The following CLCN4 variants were observed in gnomAD, a reference collection of about 807,000 sequenced individuals.
The protein encoded by CLCN4 is Cl-/H+ antiporter 4, also known as H(+)/Cl(-) exchange transporter 4.
In CLCN4, 1 loss-of-function variant was observed where a neutral mutation model predicts 41.7. The observed-to-expected ratio is 0.02, with a 90% CI of 0.01 to 0.11. The LOEUF (loss-of-function observed/expected upper bound fraction) is 0.11, where lower values mean the gene tolerates loss of function less well. CLCN4 is among the 10% of genes least tolerant of loss of function. The pLI is 1.00. For missense variants in CLCN4, 287 were observed against 661.0 expected, an observed-to-expected ratio of 0.43 and a Z score of 6.20; for synonymous variants, 277 against 285.8, an observed-to-expected ratio of 0.97 and a Z score of 0.31.
Position 10,178,609 on chromosome X carries a change from C to T in CLCN4, c.-11-6413C>T, listed in dbSNP as rs533892885. 2.7e-5 allele frequency among the ~76,000 whole-genome samples: 3 copies of T among 111,912 alleles called. No individual in the cohort carries two copies. The South Asian group carries it at 1.1e-3, about 42-fold the overall frequency. ...GAAAAACAGGATAAACTAAAAGATC[C>T]TAGATAACTTGCTTCCTGGACTTTT... On this transcript the variant is annotated intron_variant, in intron 2 of 12. Coordinates refer to ENST00000380833, the MANE Select transcript of CLCN4 (RefSeq NM_001830.4).
chrX:10,162,186 T>G (rs1243456677), intron 2 of CLCN4, among the ~76,000 whole-genome samples: 1 of 110,148 alleles, frequency 9.1e-6, no homozygotes, highest in Admixed American at 9.7e-5. Context: ...GGCTGGCTAA[T>G]TTTTGTATTT....
chrX:10,158,484 G>A lies in CLCN4; in HGVS notation c.-79G>A. 2 of 297,828 alleles carry A rather than the reference G, an allele frequency of 6.7e-6. No homozygotes were observed. Among genetic ancestry groups the A allele is most frequent in the Non-Finnish European group, 5.9e-6 (1 of 170,123 alleles). The allele number at this position is 297,828 out of a possible 1,213,427, so 24.5% of individuals were successfully genotyped here. On this transcript the variant is annotated 5_prime_UTR_variant, in exon 2 of 13. Coordinates refer to ENST00000380833, the MANE Select transcript of CLCN4 (RefSeq NM_001830.4). ...TGATGTCACGGCGCTCGCAGCCGTC[G>A]CGCTGAAGAAAGGATGCTCGAGGAT...
intron 2 of CLCN4, among the ~76,000 whole-genome samples, chrX:10,177,618 G>A (rs1188987993): frequency 1.8e-5 from 2 of 111,530 alleles, no homozygotes; most frequent in African/African-American, 6.6e-5. Context: ...AGTTCCCTTT[G>A]TGAAAATGTG....
intron 2 of CLCN4, among the ~76,000 whole-genome samples, chrX:10,173,495 C>T (rs1923435623): frequency 9.0e-6 from 1 of 111,182 alleles, no homozygotes; most frequent in Admixed American, 9.5e-5. Context: ...GTGGGGTTCC[C>T]TGGCAGTACC....
At chrX:10,184,646 A>G (rs1254253667) in intron 2 of CLCN4, among the ~76,000 whole-genome samples, 2 of 112,153 alleles carry the variant, frequency 1.8e-5, no homozygotes, top group African/African-American at 6.5e-5. Context: ...TTCAGGCATG[A>G]GTGATAGTGC....
At chrX:10,216,470 A>C (rs1384086118) in intron 11 of CLCN4, among the ~76,000 whole-genome samples, 1 of 111,269 alleles carries the variant, frequency 9.0e-6, no homozygotes, top group Non-Finnish European at 1.9e-5. Context: ...AGCAGGGCTC[A>C]GGTGCTTCTT....
intron 4 of CLCN4, among the ~76,000 whole-genome samples, chrX:10,190,779 T>C (rs766263079): frequency 8.9e-6 from 1 of 112,307 alleles, no homozygotes; most frequent in South Asian, 3.7e-4. Context: ...TACAATCTTA[T>C]GTGTCCATTT....
chrX:10,167,687 A>G (rs770489425), intron 2 of CLCN4, among the ~76,000 whole-genome samples: 5 of 112,598 alleles, frequency 4.4e-5, no homozygotes, highest in Non-Finnish European at 7.5e-5. Context: ...GTTGGTTGCT[A>G]TGTGAGGGAG....
At chrX:10,231,960 T>C (rs1356585790) in intron 12 of CLCN4, among the ~76,000 whole-genome samples, 1 of 112,359 alleles carries the variant, frequency 8.9e-6, no homozygotes, top group Admixed American at 9.4e-5. Flanking sequence ...GCTTCCTACG[T>C]TTATCAAGTA....
intron 2 of CLCN4, among the ~76,000 whole-genome samples, chrX:10,184,631 C>G (rs959126432): frequency 2.7e-5 from 3 of 111,872 alleles, no homozygotes; most frequent in Non-Finnish European, 5.6e-5. Context: ...TATGGAGAAG[C>G]CTTGTTCAGG....
chrX:10,213,630 G>T, intron 10 of CLCN4, 51 bp from the exon 11 acceptor site: 1 of 1,114,971 alleles, frequency 9.0e-7, no homozygotes, highest in Non-Finnish European at 1.2e-6. Context: ...TCATGCTTCC[G>T]TGAGCTGCCC....
chrX:10,213,147 A>G (rs1924611445), intron 10 of CLCN4, among the ~76,000 whole-genome samples: 1 of 111,943 alleles, frequency 8.9e-6, no homozygotes. Context: ...CATGGTTTCT[A>G]CTGAATGCCT....
Position 10,207,882 on chromosome X carries a change from C to T in CLCN4, c.844-163C>T, listed in dbSNP as rs145890739. Among the ~76,000 whole-genome samples, 2,277 of 112,267 alleles carry T rather than the reference C, an allele frequency of 0.02. 60 individuals are homozygous for T. Among genetic ancestry groups the T allele is most frequent in the African/African-American group, 0.07 (2,150 of 30,849 alleles). On this transcript the variant is annotated intron_variant, in intron 8 of 12. Coordinates refer to ENST00000380833, the MANE Select transcript of CLCN4 (RefSeq NM_001830.4). ...CACTTCTAGACATAGTTAGATTCCT[C>T]CAGGTATCTTTGCTGATGCGTTTTG...
At chrX:10,232,702 A>C (rs926455515) in intron 12 of CLCN4, among the ~76,000 whole-genome samples, 1 of 111,091 alleles carries the variant, frequency 9.0e-6, no homozygotes, top group African/African-American at 3.3e-5. Flanking sequence ...TGGTTGTGCA[A>C]ATGTGCACTG....
chrX:10,196,304 C>T (rs956347430), intron 5 of CLCN4, among the ~76,000 whole-genome samples: 4 of 112,022 alleles, frequency 3.6e-5, no homozygotes, highest in Admixed American at 9.5e-5. Context: ...GAACCACAGA[C>T]CTATAGCATT....
At chrX:10,222,144 A>C (rs767317916) in intron 12 of CLCN4, among the ~76,000 whole-genome samples, 1 of 112,849 alleles carries the variant, frequency 8.9e-6, no homozygotes, top group Non-Finnish European at 1.9e-5. Flanking sequence ...CCCTGCTGCC[A>C]CTTTTGTTTT....
chrX:10,204,380 C>G (rs751865004), intron 6 of CLCN4, among the ~76,000 whole-genome samples: 1 of 111,698 alleles, frequency 9.0e-6, no homozygotes, highest in African/African-American at 3.2e-5. Context: ...CTTTACATCC[C>G]CCAAACATAT....
At chrX:10,220,431 G>A (rs1249333806) in intron 11 of CLCN4, among the ~76,000 whole-genome samples, 1 of 111,851 alleles carries the variant, frequency 8.9e-6, no homozygotes, top group Non-Finnish European at 1.9e-5. Context: ...CATCTTGCCA[G>A]ACTTTGGCAA....
intron 6 of CLCN4, among the ~76,000 whole-genome samples, chrX:10,204,613 C>CTTTTTTTTTTTTTTTTTTTTTT: frequency 3.7e-5 from 1 of 27,349 alleles, no homozygotes; most frequent in Non-Finnish European, 9.2e-5. Context: ...AGCTAGTAGT[C>CTTTTTTTTTTTTTTTTTTTTTT]TTTTTTTTTT....
Sources: gnomAD v4.1 joint callset for allele counts (sites outside exome capture counted in the v4.1 genomes callset) on GRCh38, gnomAD v4.1.1 for gene constraint, MANE v1.5 for transcripts, NCBI Gene and HGNC (gene_info 2026-07-23, HGNC 2026-07-21) for gene names.